PRKN: variants seen among roughly 807,000 people sequenced by gnomAD.
The protein encoded by PRKN is E3 ubiquitin-protein ligase parkin.
PRKN carries 56 observed loss-of-function variants against 59.5 expected under a neutral mutation model. That is an observed-to-expected ratio of 0.94 (90% CI 0.76 to 1.18). The LOEUF is 1.18. Ranked by LOEUF, PRKN falls within the 50% of genes most tolerant of loss-of-function variation. The pLI, the probability that PRKN is intolerant of heterozygous loss-of-function variation, is 0.00. For synonymous variants in PRKN, 250 were observed against 222.1 expected (o/e 1.13, Z -1.12); for missense variants, 657 against 596.4 (o/e 1.10, Z -1.06).
chr6:162,355,153 T>C (rs1199867613), intron 2 of PRKN, among the ~76,000 whole-genome samples: 1 of 151,746 alleles, frequency 6.6e-6, no homozygotes, highest in East Asian at 1.9e-4. Flanking sequence ...GAATAATATA[T>C]AGTTTCATGT....
In PRKN at chr6:161,603,899, T is replaced by G. The variant is rs775935159; in HGVS notation, c.872-34483A>C. Among the ~76,000 whole-genome samples the G allele has an allele frequency of 2.6e-5, 4 of 152,302 alleles. No individual in the cohort carries two copies. In the East Asian group the frequency reaches 7.7e-4, roughly 29 times the overall value. On this transcript the variant is annotated intron_variant, in intron 7 of 11. Coordinates refer to ENST00000366898, the MANE Select transcript of PRKN (RefSeq NM_004562.3). ...TGGGAGAAGCTATGGTCTGAATGTT[T>G]ATGTCTCTCATGAGTGTCCATGCAT...
At chr6:162,472,208 AC>A (rs1015975132) in intron 1 of PRKN, among the ~76,000 whole-genome samples, 9 of 134,510 alleles carry the variant, frequency 6.7e-5, no homozygotes, top group African/African-American at 2.4e-4. Flanking sequence ...CCAAACTCAA[AC>A]TTTTTTTTTA....
chr6:161,504,546 T>A (rs1268704527), intron 9 of PRKN, among the ~76,000 whole-genome samples: 1 of 150,568 alleles, frequency 6.6e-6, no homozygotes, highest in African/African-American at 2.5e-5. Context: ...TATTATACTT[T>A]AAGTTTTAGG....
At chr6:161,629,988 T>G (rs1472694155) in intron 7 of PRKN, among the ~76,000 whole-genome samples, 2 of 152,056 alleles carry the variant, frequency 1.3e-5, no homozygotes, top group South Asian at 4.2e-4. Context: ...ACTGAAGGAG[T>G]TCACAAGCTT....
At position 162,125,308 on chromosome 6, in the gene PRKN, G is replaced by A. The variant is rs1781082518; in HGVS notation, c.535-71134C>T. Among the ~76,000 whole-genome samples the A allele has an allele frequency of 2.6e-5, 4 of 152,314 alleles. 1 individual carries two copies. The highest frequency in any genetic ancestry group is 2.6e-4 in the Admixed American group (4 of 15,298). On this transcript the variant is annotated intron_variant, in intron 4 of 11. Transcript: ENST00000366898. Reference sequence around the variant, plus strand: ...CGGGCGGCACCACACCTCAGAGGGAGAAACACAGCCCCCCTTACATTCTCA... The same window carrying A: ...CGGGCGGCACCACACCTCAGAGGGAAAAACACAGCCCCCCTTACATTCTCA...
At chr6:162,462,849 T>G (rs990857259) in intron 1 of PRKN, among the ~76,000 whole-genome samples, 8 of 151,970 alleles carry the variant, frequency 5.3e-5, no homozygotes, top group Admixed American at 3.9e-4. Flanking sequence ...ATCCTAATAG[T>G]TTTGGAGGCC....
intron 4 of PRKN, among the ~76,000 whole-genome samples, chr6:162,064,529 T>G (rs1478073892): frequency 1.3e-5 from 2 of 152,200 alleles, no homozygotes; most frequent in East Asian, 3.9e-4. Flanking sequence ...CACAAAAGAC[T>G]AACCAGTCCT....
intron 1 of PRKN, among the ~76,000 whole-genome samples, chr6:162,598,746 G>A (rs1358476880): frequency 6.6e-6 from 1 of 151,686 alleles, no homozygotes; most frequent in Admixed American, 6.6e-5. Flanking sequence ...CCAGTTACTC[G>A]GGAGGCTGAG....
At chr6:162,046,530 G>A (rs2128283369) in intron 5 of PRKN, among the ~76,000 whole-genome samples, 1 of 152,360 alleles carries the variant, frequency 6.6e-6, no homozygotes, top group Admixed American at 6.5e-5. Flanking sequence ...TGATAGCAGT[G>A]TGAACACTGT....
intron 7 of PRKN, among the ~76,000 whole-genome samples, chr6:161,596,911 G>A (rs1466041268): frequency 2.0e-5 from 3 of 152,140 alleles, no homozygotes; most frequent in African/African-American, 7.2e-5. Flanking sequence ...TCAGAGAATT[G>A]ATGGCTAATC....
rs188723115 is a variant in PRKN, at chr6:162,480,892, G to A, written c.8-37419C>T. ...ACGATCTCACCTCACTGCACCCTCC[G>A]CCTCCTGGGTTCAAGTGATTCTCCC... On this transcript the variant is annotated intron_variant, in intron 1 of 11. Coordinates refer to ENST00000366898, the MANE Select transcript of PRKN (RefSeq NM_004562.3). Among the ~76,000 whole-genome samples the A allele has an allele frequency of 2.1e-3, 321 of 151,992 alleles. 2 individuals are homozygous for A. Among genetic ancestry groups the A allele is most frequent in the African/African-American group, 7.3e-3 (303 of 41,448 alleles).
intron 1 of PRKN, among the ~76,000 whole-genome samples, chr6:162,493,589 GAAGA>G (rs1792918798): frequency 6.6e-6 from 1 of 152,208 alleles, no homozygotes; most frequent in Non-Finnish European, 1.5e-5. Context: ...TTATAACTAA[GAAGA>G]CAGACTCAAG....
At position 162,575,320 on chromosome 6, in the gene PRKN, C is replaced by T. The variant is rs192892139; in HGVS notation, c.8-131847G>A. ...GCAAAATGACCTCTGCATGGTCACA[C>T]CCAGTAAACCATTTTTAACCCTGAC... On this transcript the variant is annotated intron_variant, in intron 1 of 11. Transcript: ENST00000366898. Among the ~76,000 whole-genome samples, 5 of 152,306 alleles carry T rather than the reference C, an allele frequency of 3.3e-5. No individual in the cohort carries two copies. The East Asian group carries it at 9.7e-4, about 29-fold the overall frequency.
intron 7 of PRKN, among the ~76,000 whole-genome samples, chr6:161,717,798 G>A (rs1372364084): frequency 6.6e-6 from 1 of 152,164 alleles, no homozygotes; most frequent in African/African-American, 2.4e-5. Flanking sequence ...ACGCCCGCGA[G>A]GGGTGGGACT....
intron 7 of PRKN, among the ~76,000 whole-genome samples, chr6:161,735,530 G>A (rs566199219): frequency 3.9e-5 from 6 of 152,210 alleles, no homozygotes; most frequent in African/African-American, 1.4e-4. Flanking sequence ...TAAGTTTTTT[G>A]GAGAGTCAAA....
At chr6:161,900,484 A>ATATAAATTATATATTATAATATATAT (rs1777848392) in intron 6 of PRKN, among the ~76,000 whole-genome samples, 1 of 141,414 alleles carries the variant, frequency 7.1e-6, no homozygotes, top group Non-Finnish European at 1.5e-5. Flanking sequence ...GTAATATATA[A>ATATAAATTATATATTATAATATATAT]TATAAATTAT....
At chr6:162,106,204 C>G (rs539714816) in intron 4 of PRKN, among the ~76,000 whole-genome samples, 2 of 152,224 alleles carry the variant, frequency 1.3e-5, no homozygotes, top group East Asian at 3.9e-4. Flanking sequence ...ACAATGGGAA[C>G]AGGCTGGGAG....
chr6:161,485,706 T>G (rs2115255962), intron 9 of PRKN, among the ~76,000 whole-genome samples: 1 of 152,016 alleles, frequency 6.6e-6, no homozygotes, highest in Middle Eastern at 3.4e-3. Flanking sequence ...ATGAAGAAAA[T>G]TCAAGTAGAG....
intron 2 of PRKN, among the ~76,000 whole-genome samples, chr6:162,304,548 T>TC (rs1562655203): frequency 0.013 from 1,607 of 126,654 alleles, 60 homozygotes; most frequent in African/African-American, 0.051. Context: ...TCTATCTATT[T>TC]ATCCATCTGT....
Sources: gnomAD v4.1 joint callset for allele counts (sites outside exome capture counted in the v4.1 genomes callset) on GRCh38, gnomAD v4.1.1 for gene constraint, MANE v1.5 for transcripts, NCBI Gene and HGNC (gene_info 2026-07-23, HGNC 2026-07-21) for gene names.